The following SLC17A1 variants were observed in gnomAD, a reference collection of about 807,000 sequenced individuals.
SLC17A1 encodes solute carrier family 17 member 1.
Under a neutral mutation model 53.5 loss-of-function variants are expected in SLC17A1, and 51 were observed. The observed-to-expected ratio is 0.95, with a 90% confidence interval of 0.76 to 1.20. The LOEUF (loss-of-function observed/expected upper bound fraction) is 1.20. Among genes scored for constraint, SLC17A1 ranks in the 50% most tolerant of loss-of-function variants. SLC17A1 has a pLI of 0.00. For synonymous variants in SLC17A1, 179 were observed against 198.8 expected (o/e 0.90, Z 0.84); for missense variants, 538 against 568.2 (o/e 0.95, Z 0.54).
At chr6:25,809,596 T>C (rs1204465462) in intron 10 of SLC17A1, among the ~76,000 whole-genome samples, 1 of 152,038 alleles carries the variant, frequency 6.6e-6, no homozygotes, top group Admixed American at 6.5e-5. Context: ...AAAACTAAAA[T>C]GTTGGTGGAA....
intron 2 of SLC17A1, among the ~76,000 whole-genome samples, chr6:25,827,167 T>C (rs1486860356): frequency 1.3e-5 from 2 of 152,096 alleles, no homozygotes; most frequent in African/African-American, 4.8e-5. Flanking sequence ...CAGATACACA[T>C]ATATGGTTAA....
intron 12 of SLC17A1, among the ~76,000 whole-genome samples, chr6:25,796,990 C>G (rs1169680532): frequency 3.3e-5 from 5 of 152,222 alleles, no homozygotes; most frequent in Admixed American, 3.3e-4. Flanking sequence ...TACCCAAGGC[C>G]AACCCTGGCT....
chr6:25,810,142 C>A (rs1348538276), intron 10 of SLC17A1, among the ~76,000 whole-genome samples: 2 of 152,000 alleles, frequency 1.3e-5, no homozygotes, highest in Non-Finnish European at 2.9e-5. Flanking sequence ...AAACATAAGA[C>A]CTGAAACTGT....
intron 6 of SLC17A1, among the ~76,000 whole-genome samples, chr6:25,818,694 A>G (rs1764443883): frequency 6.6e-6 from 1 of 152,156 alleles, no homozygotes; most frequent in African/African-American, 2.4e-5. Flanking sequence ...GTAGAAATTA[A>G]TGTGTTTGAT....
intron 12 of SLC17A1, among the ~76,000 whole-genome samples, chr6:25,785,476 T>C (rs1024562554): frequency 6.6e-6 from 1 of 152,022 alleles, no homozygotes; most frequent in Non-Finnish European, 1.5e-5. Flanking sequence ...TTAGACTTCA[T>C]AAAAATCAAA....
At chr6:25,827,288 A>G (rs1165178) in intron 2 of SLC17A1, among the ~76,000 whole-genome samples, 99,058 of 152,064 alleles carry the variant, frequency 0.65, 34,158 homozygotes, top group African/African-American at 0.88. Context: ...AAAACAACAC[A>G]TACAGAAATG....
At chr6:25,797,579 T>C (rs1057339465) in intron 12 of SLC17A1, among the ~76,000 whole-genome samples, 34 of 152,122 alleles carry the variant, frequency 2.2e-4, no homozygotes, top group African/African-American at 7.7e-4. Context: ...ATTTAAGTTC[T>C]TTCTAATCTA....
chr6:25,725,811 C>G, the SLC17A1 span, among the ~76,000 whole-genome samples: 2 of 152,112 alleles, frequency 1.3e-5, no homozygotes, highest in Non-Finnish European at 2.9e-5. Flanking sequence ...GGTCAAGCCC[C>G]AGGCTTGAAC....
intron 12 of SLC17A1, among the ~76,000 whole-genome samples, chr6:25,788,316 A>C (rs1763427143): frequency 6.6e-6 from 1 of 152,218 alleles, no homozygotes; most frequent in African/African-American, 2.4e-5. Context: ...AATGTTACTA[A>C]CATCATATGA....
intron 3 of SLC17A1, among the ~76,000 whole-genome samples, chr6:25,822,529 T>C (rs188867185): frequency 6.6e-6 from 1 of 152,310 alleles, no homozygotes; most frequent in Admixed American, 6.5e-5. Context: ...TAGTACCTTA[T>C]GTAGCAGTAA....
At chr6:25,761,659 A>G in the SLC17A1 span, among the ~76,000 whole-genome samples, 1 of 152,300 alleles carries the variant, frequency 6.6e-6, no homozygotes, top group East Asian at 1.9e-4. Context: ...GGGAACACAG[A>G]ACTAGAAAGG....
downstream of SLC17A1, chr6:25,779,522 G>A: frequency 4.6e-6 from 1 of 215,828 alleles, no homozygotes; most frequent in Non-Finnish European, 9.1e-6. Flanking sequence ...TCACAAGGGA[G>A]TTGCGCCCAA....
intron 12 of SLC17A1, among the ~76,000 whole-genome samples, chr6:25,783,573 A>G (rs891846052): frequency 1.3e-5 from 2 of 152,206 alleles, no homozygotes; most frequent in African/African-American, 4.8e-5. Context: ...GTATCCTGAA[A>G]ACAAAACAAA....
At chr6:25,740,068 A>G in the SLC17A1 span, among the ~76,000 whole-genome samples, 1 of 152,206 alleles carries the variant, frequency 6.6e-6, no homozygotes, top group Non-Finnish European at 1.5e-5. Context: ...AATTATTTCA[A>G]AACAAAAAGT....
rs1763304383 is a variant in SLC17A1 at position 25,783,189 on chromosome 6, T to C, written c.*32A>G. The C allele has an allele frequency of 6.6e-6, 1 of 152,150 alleles. No individual in the cohort carries two copies. The highest frequency in any genetic ancestry group is 6.5e-5 in the Admixed American group (1 of 15,274). 9.4% of individuals were successfully genotyped at this position (152,150 alleles called of 1,614,324 possible). ...CCTCTTCCCTTCAATAAGGAGGTTG[T>C]CCCAGGCTCTGCAAGTGCTCTGTTT... is the stretch of plus-strand genomic sequence containing the variant. On this transcript the variant is annotated 3_prime_UTR_variant, in exon 13 of 13. Transcript: ENST00000244527.
chr6:25,758,767 A>AT, the SLC17A1 span, among the ~76,000 whole-genome samples: 2 of 151,066 alleles, frequency 1.3e-5, no homozygotes, highest in East Asian at 2.0e-4. Flanking sequence ...TATCTTTTGT[A>AT]TTTTTTGTTT....
chr6:25,761,275 A>C, the SLC17A1 span, among the ~76,000 whole-genome samples: 1 of 152,316 alleles, frequency 6.6e-6, no homozygotes, highest in Admixed American at 6.5e-5. Flanking sequence ...TCTGTAACCA[A>C]GTTTTGAACC....
chr6:25,786,493 A>T (rs1763385418), intron 12 of SLC17A1, among the ~76,000 whole-genome samples: 1 of 152,188 alleles, frequency 6.6e-6, no homozygotes, highest in Non-Finnish European at 1.5e-5. Flanking sequence ...GATTAGATGC[A>T]GGTCACAGAG....
At chr6:25,772,867 C>A in the SLC17A1 span, among the ~76,000 whole-genome samples, 1 of 152,122 alleles carries the variant, frequency 6.6e-6, no homozygotes, top group Non-Finnish European at 1.5e-5. Context: ...CAAAACCTCC[C>A]AAAACTCAAT....
Sources: gnomAD v4.1 joint callset for allele counts (sites outside exome capture counted in the v4.1 genomes callset) on GRCh38, gnomAD v4.1.1 for gene constraint, MANE v1.5 for transcripts, NCBI Gene and HGNC (gene_info 2026-07-23, HGNC 2026-07-21) for gene names.